The following ZNF208 variants were observed in gnomAD, a reference collection of about 807,000 sequenced individuals.
ZNF208 encodes the protein zinc finger protein 95.
In ZNF208, 10 loss-of-function variants were observed where a neutral mutation model predicts 12.1. That is an observed-to-expected ratio of 0.83 (90% CI 0.51 to 1.40). The LOEUF is 1.40. Ranked by LOEUF, ZNF208 falls within the 40% of genes most tolerant of loss-of-function variation. ZNF208 has a pLI of 0.00. For missense variants in ZNF208, 1,652 were observed against 1,485.0 expected, an observed-to-expected ratio of 1.11 and a Z score of -1.85; for synonymous variants, 497 against 488.4, an observed-to-expected ratio of 1.02 and a Z score of -0.23.
At chr19:21,994,021 C>A (rs904597939) in intron 1 of ZNF208, among the ~76,000 whole-genome samples, 35 of 152,150 alleles carry the variant, frequency 2.3e-4, no homozygotes, top group African/African-American at 8.0e-4. Context: ...TTCAATAATT[C>A]CAAGGCTTTA....
Position 22,010,819 on chromosome 19 carries a change from C to T in ZNF208, c.-25G>A, listed in dbSNP as rs145242678. On this transcript the variant is annotated 5_prime_UTR_variant, in exon 1 of 4. Coordinates refer to ENST00000397126, the MANE Select transcript of ZNF208 (RefSeq NM_007153.3). Reference sequence around the variant, plus strand: ...TTTCTAGGCTTCCAGGGGGTCCTGGCGACTTAGTTGTGGATCTCCCAATAC... The same window carrying T: ...TTTCTAGGCTTCCAGGGGGTCCTGGTGACTTAGTTGTGGATCTCCCAATAC... 2.5e-5 allele frequency: 40 copies of T among 1,613,962 alleles called. No homozygotes were observed. The East Asian group carries it at 8.9e-4, about 36-fold the overall frequency.
At chr19:22,000,306 G>T (rs1018973575) in intron 1 of ZNF208, among the ~76,000 whole-genome samples, 3 of 151,994 alleles carry the variant, frequency 2.0e-5, no homozygotes, top group Non-Finnish European at 4.4e-5. Flanking sequence ...CACACAATCA[G>T]AAACAAAACA....
intron 3 of ZNF208, chr19:21,986,919 C>T (rs115149671): frequency 2.2e-4 from 91 of 415,624 alleles, no homozygotes; most frequent in African/African-American, 1.7e-3. Context: ...ATCTGTGTGT[C>T]CACAAAAACA....
At position 21,970,039 on chromosome 19, in the gene ZNF208, T is replaced by C. The variant is rs948732301; in HGVS notation, c.*1152A>G. Among the ~76,000 whole-genome samples, 8 of 152,194 alleles carry C rather than the reference T, an allele frequency of 5.3e-5. No individual in the cohort carries two copies. Among genetic ancestry groups the C allele is most frequent in the Admixed American group, 2.6e-4 (4 of 15,270 alleles). ...TACAGTAGTTTTCTCCAGTATGAGT[T>C]ATCTTACCTACAATCAAGTGTGACA... On this transcript the variant is annotated 3_prime_UTR_variant, in exon 4 of 4. Coordinates refer to ENST00000397126, the MANE Select transcript of ZNF208 (RefSeq NM_007153.3).
At chr19:21,999,323 C>T (rs1000015519) in intron 1 of ZNF208, among the ~76,000 whole-genome samples, 14 of 152,170 alleles carry the variant, frequency 9.2e-5, no homozygotes, top group South Asian at 4.1e-4. Flanking sequence ...TAAGTAAATA[C>T]GTGGCCTTAA....
At chr19:21,987,112 A>G (rs752741049) in intron 3 of ZNF208, 104 bp downstream of exon 3, 2 of 1,238,450 alleles carry the variant, frequency 1.6e-6, no homozygotes, top group East Asian at 2.7e-5. Flanking sequence ...GTCTCTCCAG[A>G]AACTACTTCT....
intron 1 of ZNF208, among the ~76,000 whole-genome samples, chr19:22,008,208 CAGA>C (rs1971081995): frequency 1.4e-5 from 2 of 145,728 alleles, no homozygotes; most frequent in African/African-American, 2.6e-5. Context: ...GAGGCTGAGG[CAGA>C]AGAATTGCTT....
intron 1 of ZNF208, among the ~76,000 whole-genome samples, chr19:22,002,317 T>C (rs1341549024): frequency 1.3e-5 from 2 of 152,088 alleles, no homozygotes; most frequent in African/African-American, 4.8e-5. Context: ...CACTCCTATA[T>C]TCAATATAAA....
intron 1 of ZNF208, among the ~76,000 whole-genome samples, chr19:21,993,458 C>G (rs1020266558): frequency 6.6e-5 from 10 of 151,592 alleles, no homozygotes; most frequent in African/African-American, 1.7e-4. Flanking sequence ...GGACAGGGCA[C>G]AAGTAAAAAG....
chr19:21,980,064 G>A (rs906864327), intron 3 of ZNF208, among the ~76,000 whole-genome samples: 6 of 151,994 alleles, frequency 3.9e-5, no homozygotes, highest in African/African-American at 1.2e-4. Flanking sequence ...CAGGAGCACC[G>A]AGAATCATAA....
At chr19:21,953,377 G>C (rs546350972) in intron 4 of ZNF208, among the ~76,000 whole-genome samples, 4 of 147,338 alleles carry the variant, frequency 2.7e-5, no homozygotes. Context: ...ACTTACCAAG[G>C]TAAAAATGAA....
chr19:21,977,277 G>A (rs1338948187), intron 3 of ZNF208, among the ~76,000 whole-genome samples: 6 of 152,166 alleles, frequency 3.9e-5, no homozygotes, highest in Admixed American at 3.9e-4. Flanking sequence ...CAAAATAGAG[G>A]AGGCTGCCAA....
intron 1 of ZNF208, among the ~76,000 whole-genome samples, chr19:21,996,466 A>G (rs776947649): frequency 1.3e-5 from 2 of 152,212 alleles, no homozygotes; most frequent in African/African-American, 4.8e-5. Flanking sequence ...AGATAAATAT[A>G]TAGCTGAAAA....
At chr19:21,961,306 G>A (rs544729893), downstream of ZNF208, among the ~76,000 whole-genome samples, 1 of 152,246 alleles carries the variant, frequency 6.6e-6, no homozygotes, top group South Asian at 2.1e-4. Flanking sequence ...AAAAGGGGAG[G>A]GGGTGTACGA....
intron 4 of ZNF208, chr19:21,939,926 A>C (rs557270249): frequency 1.3e-5 from 2 of 152,362 alleles, no homozygotes; most frequent in South Asian, 4.1e-4. Context: ...CAATAAACTA[A>C]TAGCTAAACT....
intron 1 of ZNF208, among the ~76,000 whole-genome samples, chr19:22,002,308 A>G (rs145160557): frequency 2.0e-5 from 3 of 152,096 alleles, no homozygotes; most frequent in South Asian, 2.1e-4. Flanking sequence ...TTCTCTCAAC[A>G]CTCCTATATT....
At chr19:21,955,957 T>C (rs1969968741) in intron 4 of ZNF208, among the ~76,000 whole-genome samples, 1 of 152,204 alleles carries the variant, frequency 6.6e-6, no homozygotes, top group South Asian at 2.1e-4. Context: ...TTTCTCCCCA[T>C]CTTTGGGGTT....
chr19:21,950,166 A>AT (rs1969868809), intron 4 of ZNF208, among the ~76,000 whole-genome samples: 1 of 152,238 alleles, frequency 6.6e-6, no homozygotes, highest in Non-Finnish European at 1.5e-5. Context: ...TATCCAAGCT[A>AT]TAAGTATATT....
At chr19:21,997,845 G>GT (rs1401803525) in intron 1 of ZNF208, 1 of 152,138 alleles carries the variant, frequency 6.6e-6, no homozygotes, top group Non-Finnish European at 1.5e-5. Flanking sequence ...GACAGCTCAC[G>GT]TCTTTCACAG....
Sources: allele counts gnomAD v4.1 joint callset (sites outside exome capture counted in the v4.1 genomes callset), GRCh38; gene constraint gnomAD v4.1.1; transcripts MANE v1.5; gene names NCBI Gene and HGNC (gene_info 2026-07-23, HGNC 2026-07-21).